SLIT2: variants seen among roughly 807,000 people sequenced by gnomAD.
SLIT2 encodes the protein slit guidance ligand 2, also known as slit homolog 2 protein.
SLIT2 carries 41 observed loss-of-function variants against 185.7 expected under a neutral mutation model. The ratio of observed to expected loss-of-function variants is 0.22; its 90% CI spans 0.17 to 0.29. The LOEUF is 0.29. Among genes scored for constraint, SLIT2 ranks in the 10% least tolerant of loss-of-function variants. The pLI is 1.00. For synonymous variants in SLIT2, 693 were observed against 680.2 expected (o/e 1.02, Z -0.29); for missense variants, 1,571 against 1,909.0 (o/e 0.82, Z 3.30).
intron 12 of SLIT2, among the ~76,000 whole-genome samples, chr4:20,522,091 C>G (rs1377356816): frequency 6.6e-6 from 1 of 152,018 alleles, no homozygotes; most frequent in Admixed American, 6.6e-5. Context: ...AATATTCTTT[C>G]TCTCCTTATA....
intron 4 of SLIT2, among the ~76,000 whole-genome samples, chr4:20,466,181 C>G (rs184502363): frequency 2.0e-4 from 31 of 152,148 alleles, no homozygotes; most frequent in African/African-American, 7.2e-4. Flanking sequence ...CTGTAGCCTT[C>G]TCTGAACACT....
intron 4 of SLIT2, among the ~76,000 whole-genome samples, chr4:20,435,332 C>T (rs1290952535): frequency 6.6e-6 from 1 of 152,190 alleles, no homozygotes; most frequent in Non-Finnish European, 1.5e-5. Flanking sequence ...CTATCCTTAA[C>T]TCCACTGGGA....
intron 4 of SLIT2, among the ~76,000 whole-genome samples, chr4:20,349,341 A>C (rs1560341438): frequency 6.6e-6 from 1 of 152,152 alleles, no homozygotes; most frequent in Non-Finnish European, 1.5e-5. Context: ...AAACACAATC[A>C]CTTCCTAACA....
intron 4 of SLIT2, among the ~76,000 whole-genome samples, chr4:20,346,970 T>G (rs1389810930): frequency 6.6e-6 from 1 of 152,218 alleles, no homozygotes; most frequent in Non-Finnish European, 1.5e-5. Context: ...CCCAGTCCAC[T>G]GACTCAAATG....
chr4:20,463,491 A>ATATATATATATATATATATG (rs1491274435), intron 4 of SLIT2, among the ~76,000 whole-genome samples: 1 of 96,226 alleles, frequency 1.0e-5, no homozygotes, highest in Non-Finnish European at 2.0e-5. Context: ...ATATATATAT[A>ATATATATATATATATATATG]TGTGTGTGTG....
At chr4:20,606,684 T>A (rs567516509) in intron 33 of SLIT2, among the ~76,000 whole-genome samples, 4 of 152,292 alleles carry the variant, frequency 2.6e-5, no homozygotes, top group Admixed American at 2.6e-4. Flanking sequence ...ACTCATAATC[T>A]CACTCATAAT....
At chr4:20,590,130 C>G (rs1577981843) in intron 30 of SLIT2, among the ~76,000 whole-genome samples, 1 of 152,064 alleles carries the variant, frequency 6.6e-6, no homozygotes, top group African/African-American at 2.4e-5. Flanking sequence ...TGGTCTCGAT[C>G]TCCTGACATC....
intron 4 of SLIT2, among the ~76,000 whole-genome samples, chr4:20,285,631 C>G (rs1460016345): frequency 6.6e-6 from 1 of 152,122 alleles, no homozygotes; most frequent in Non-Finnish European, 1.5e-5. Context: ...TCACTGCAAC[C>G]TATGCCTCCT....
intron 22 of SLIT2, among the ~76,000 whole-genome samples, 172 bp downstream of exon 22, chr4:20,546,271 G>C (rs1577900957): frequency 6.6e-6 from 1 of 152,088 alleles, no homozygotes. Context: ...ATTGAATATC[G>C]ATCAGGCGAT....
Position 20,553,829 on chromosome 4 carries a change from C to T in SLIT2, c.2586C>T (p.Tyr862=), listed in dbSNP as rs1425230277. 1.3e-6 allele frequency: 2 copies of T among 1,588,938 alleles called. No homozygotes were observed. Among genetic ancestry groups the T allele is most frequent in the East Asian group, 2.2e-5 (1 of 44,698 alleles). ...SHLAIGANPL[Y]CDCNMQWLSD... is the part of the protein sequence containing the mutation. Reference sequence around the variant, plus strand: ...GAGCAATTGGAGCCAACCCTCTTTACTGTGATTGTAACATGCAGTGGTTAT... The same window carrying T: ...GAGCAATTGGAGCCAACCCTCTTTATTGTGATTGTAACATGCAGTGGTTAT... The change falls in exon 26 of 37, where the codon TAC becomes TAT. Residue 862 remains tyrosine, a synonymous_variant. Coordinates refer to ENST00000504154, the MANE Select transcript of SLIT2 (RefSeq NM_004787.4).
At chr4:20,462,847 G>C (rs1027750501) in intron 4 of SLIT2, among the ~76,000 whole-genome samples, 1 of 152,122 alleles carries the variant, frequency 6.6e-6, no homozygotes, top group East Asian at 1.9e-4. Context: ...TACACTCCTA[G>C]AAATGTCTCA....
At position 20,620,330 on chromosome 4, in the gene SLIT2, T is replaced by G. The variant is rs1163290398; in HGVS notation, c.*1321T>G. The G allele has an allele frequency of 2.4e-6, 1 of 414,210 alleles. No homozygotes were observed. Among genetic ancestry groups the G allele is most frequent in the African/African-American group, 2.1e-5 (1 of 47,744 alleles). 25.7% of individuals were successfully genotyped at this position (414,210 alleles called of 1,614,324 possible). On this transcript the variant is annotated 3_prime_UTR_variant, in exon 37 of 37. Transcript: ENST00000504154. Reference sequence around the variant, plus strand: ...ATCTTAATGCTCCCATGTTAACATGTTTGCTGCTAAATTACAATGTAGAAT... The same window carrying G: ...ATCTTAATGCTCCCATGTTAACATGGTTGCTGCTAAATTACAATGTAGAAT...
chr4:20,421,128 C>T (rs981281985), intron 4 of SLIT2, among the ~76,000 whole-genome samples: 1 of 151,956 alleles, frequency 6.6e-6, no homozygotes, highest in African/African-American at 2.4e-5. Context: ...GCATTTTAGC[C>T]CAGATATTAA....
At chr4:20,586,509 GAGTC>G (rs1199689634) in intron 29 of SLIT2, among the ~76,000 whole-genome samples, 1 of 152,188 alleles carries the variant, frequency 6.6e-6, no homozygotes, top group Non-Finnish European at 1.5e-5. Context: ...CGAGAAAAGA[GAGTC>G]AGATAAACAC....
At chr4:20,448,309 TA>T (rs1454420795) in intron 4 of SLIT2, among the ~76,000 whole-genome samples, 1 of 151,806 alleles carries the variant, frequency 6.6e-6, no homozygotes, top group East Asian at 1.9e-4. Flanking sequence ...TTTATGAGTT[TA>T]TTTTTTTTTG....
chr4:20,570,733 A>ATATATATATATATATATATATATATG (rs1725518078), intron 29 of SLIT2, among the ~76,000 whole-genome samples: 10 of 14,282 alleles, frequency 7.0e-4, no homozygotes, highest in African/African-American at 8.8e-4. Flanking sequence ...ATATATATGT[A>ATATATATATATATATATATATATATG]TATATATATA....
chr4:20,373,765 A>G (rs1252896426), intron 4 of SLIT2, among the ~76,000 whole-genome samples: 1 of 152,096 alleles, frequency 6.6e-6, no homozygotes, highest in Non-Finnish European at 1.5e-5. Context: ...ATCTACTGGT[A>G]GAAACATACA....
chr4:20,525,731 T>G (rs1721230482), intron 15 of SLIT2, among the ~76,000 whole-genome samples: 1 of 152,142 alleles, frequency 6.6e-6, no homozygotes, highest in South Asian at 2.1e-4. Context: ...ATGCAGTTGT[T>G]TCTTATTTGT....
intron 4 of SLIT2, among the ~76,000 whole-genome samples, chr4:20,381,784 T>C (rs1002564637): frequency 1.3e-5 from 2 of 152,074 alleles, no homozygotes; most frequent in African/African-American, 2.4e-5. Context: ...TCTACACAGA[T>C]TTTTTTAGAA....
Sources: gnomAD v4.1 joint callset for allele counts (sites outside exome capture counted in the v4.1 genomes callset) on GRCh38, gnomAD v4.1.1 for gene constraint, MANE v1.5 for transcripts, NCBI Gene and HGNC (gene_info 2026-07-23, HGNC 2026-07-21) for gene names.